CHM: variants seen among roughly 807,000 people sequenced by gnomAD.
CHM encodes the protein CHM Rab escort protein.
Under a neutral mutation model 49.0 loss-of-function variants are expected in CHM, and 10 were observed. The ratio of observed to expected loss-of-function variants is 0.20; its 90% CI spans 0.13 to 0.35. The LOEUF (loss-of-function observed/expected upper bound fraction) is 0.35, where lower values mean the gene tolerates loss of function less well. Among genes scored for constraint, CHM ranks in the 10% least tolerant of loss-of-function variants. The probability of loss-of-function intolerance (pLI) is 1.00; values close to 1 mark genes in which losing one functional copy is unlikely to be tolerated. For synonymous variants in CHM, 184 were observed against 167.5 expected (o/e 1.10, Z -0.76); for missense variants, 455 against 478.4 (o/e 0.95, Z 0.46).
chrX:85,965,422 A>G (rs1364871611), intron 4 of CHM, among the ~76,000 whole-genome samples: 1 of 111,411 alleles, frequency 9.0e-6, no homozygotes, highest in Non-Finnish European at 1.9e-5. Flanking sequence ...TATATCCTTT[A>G]TCTTCCAAAT....
At chrX:85,910,636 T>A (rs923841901) in intron 9 of CHM, among the ~76,000 whole-genome samples, 1 of 111,644 alleles carries the variant, frequency 9.0e-6, no homozygotes, top group Admixed American at 9.5e-5. Context: ...CCTATAGGCC[T>A]GATACTATTG....
chrX:86,045,346 T>C (rs1424563248), intron 1 of CHM, among the ~76,000 whole-genome samples: 1 of 112,333 alleles, frequency 8.9e-6, no homozygotes, highest in Non-Finnish European at 1.9e-5. Flanking sequence ...ATGATTGGAA[T>C]TGTTGGAATC....
At chrX:86,008,642 C>T (rs772884278) in intron 2 of CHM, among the ~76,000 whole-genome samples, 8 of 111,334 alleles carry the variant, frequency 7.2e-5, no homozygotes, top group African/African-American at 1.3e-4. Flanking sequence ...ACAATATATG[C>T]GTTTATATGG....
intron 1 of CHM, among the ~76,000 whole-genome samples, chrX:86,036,877 G>C (rs1344304150): frequency 9.0e-6 from 1 of 111,053 alleles, no homozygotes; most frequent in Non-Finnish European, 1.9e-5. Context: ...GCCATGAGTT[G>C]ATAACTGTTG....
At chrX:85,991,729 C>T (rs971477630) in intron 2 of CHM, among the ~76,000 whole-genome samples, 3 of 107,697 alleles carry the variant, frequency 2.8e-5, no homozygotes, top group Non-Finnish European at 5.8e-5. Context: ...GGCAGAATTT[C>T]TCAAATTCAG....
At chrX:85,914,510 T>C (rs897695869) in intron 8 of CHM, among the ~76,000 whole-genome samples, 2 of 110,358 alleles carry the variant, frequency 1.8e-5, no homozygotes, top group African/African-American at 6.6e-5. Context: ...CCAGTGAGCA[T>C]CCACTTGCAG....
chrX:85,915,721 C>T (rs1927414512), intron 8 of CHM, among the ~76,000 whole-genome samples: 2 of 111,649 alleles, frequency 1.8e-5, no homozygotes, highest in African/African-American at 6.5e-5. Context: ...AATAAACTAC[C>T]TAGGAATACA....
chrX:85,966,417 C>T (rs1229202933), intron 4 of CHM, among the ~76,000 whole-genome samples: 1 of 110,063 alleles, frequency 9.1e-6, no homozygotes, highest in Non-Finnish European at 1.9e-5. Context: ...ACAGTCAACT[C>T]AAAACCTGTA....
At chrX:85,952,316 G>A (rs749768192) in intron 8 of CHM, among the ~76,000 whole-genome samples, 2 of 110,661 alleles carry the variant, frequency 1.8e-5, no homozygotes, top group African/African-American at 6.6e-5. Context: ...AATTCCTTCT[G>A]CTTGAGAAGA....
intron 14 of CHM, among the ~76,000 whole-genome samples, chrX:85,868,620 C>T (rs1355519992): frequency 9.0e-6 from 1 of 111,519 alleles, no homozygotes; most frequent in Admixed American, 9.5e-5. Context: ...TCATCTGTTC[C>T]TTCCCCACTG....
At chrX:85,936,166 C>G (rs1005976366) in intron 8 of CHM, among the ~76,000 whole-genome samples, 40 of 111,683 alleles carry the variant, frequency 3.6e-4, no homozygotes, top group African/African-American at 1.3e-3. Context: ...GCAAATACAT[C>G]TATCAACAGA....
rs1489356731 is a variant in CHM at position 85,908,643 on chromosome X, C to T, written c.1244+2618G>A. ...AAGTTACAGAAATAAATAATTATAG[C>T]TTAGAATAAATTTTCCAGGAAGAGA... On this transcript the variant is annotated intron_variant, in intron 9 of 14. Coordinates refer to ENST00000357749, the MANE Select transcript of CHM (RefSeq NM_000390.4). Among the ~76,000 whole-genome samples the T allele has an allele frequency of 7.2e-5, 8 of 110,992 alleles. No homozygotes were observed. The East Asian group carries it at 2.3e-3, about 31-fold the overall frequency.
intron 8 of CHM, among the ~76,000 whole-genome samples, chrX:85,940,030 C>T (rs529231620): frequency 8.9e-6 from 1 of 112,013 alleles, no homozygotes; most frequent in African/African-American, 3.2e-5. Context: ...CACAGTTCTT[C>T]AGGCTATACA....
At chrX:85,894,791 T>C (rs1925711341) in intron 11 of CHM, among the ~76,000 whole-genome samples, 1 of 111,961 alleles carries the variant, frequency 8.9e-6, no homozygotes, top group Non-Finnish European at 1.9e-5. Flanking sequence ...TTATGACTTC[T>C]TAGTTCTGAA....
intron 2 of CHM, among the ~76,000 whole-genome samples, chrX:86,006,253 G>A (rs1197705596): frequency 9.0e-6 from 1 of 111,493 alleles, no homozygotes; most frequent in Admixed American, 9.6e-5. Context: ...AGGTATTGAT[G>A]GAACGATCTC....
intron 2 of CHM, among the ~76,000 whole-genome samples, chrX:86,005,410 G>A (rs973524830): frequency 2.7e-5 from 3 of 111,569 alleles, no homozygotes; most frequent in African/African-American, 9.8e-5. Flanking sequence ...AAATAACTGA[G>A]ATCAGAGCAG....
intron 8 of CHM, among the ~76,000 whole-genome samples, chrX:85,933,935 G>A (rs1341787573): frequency 1.8e-5 from 2 of 110,967 alleles, no homozygotes; most frequent in African/African-American, 6.6e-5. Context: ...CTCAGTACAT[G>A]AATTCAAGAT....
chrX:85,944,927 A>G (rs1174829553), intron 8 of CHM, among the ~76,000 whole-genome samples: 2 of 112,133 alleles, frequency 1.8e-5, no homozygotes, highest in Non-Finnish European at 3.8e-5. Flanking sequence ...TGGTACATCT[A>G]CACCATGGAA....
chrX:85,986,288 C>G (rs972405721), intron 2 of CHM, among the ~76,000 whole-genome samples: 3 of 111,081 alleles, frequency 2.7e-5, no homozygotes, highest in Non-Finnish European at 5.7e-5. Context: ...TACTAAGGTC[C>G]GTTACTCTGC....
Sources: gnomAD v4.1 joint callset for allele counts (sites outside exome capture counted in the v4.1 genomes callset) on GRCh38, gnomAD v4.1.1 for gene constraint, MANE v1.5 for transcripts, NCBI Gene and HGNC (gene_info 2026-07-23, HGNC 2026-07-21) for gene names.